Variants in PARP14 observed in about 807,000 individuals in gnomAD.
PARP14 encodes the protein protein mono-ADP-ribosyltransferase PARP14.
A neutral mutation model predicts 154.2 loss-of-function variants in PARP14; 59 were observed. The observed-to-expected ratio is 0.38, with a 90% CI of 0.31 to 0.48. The LOEUF is 0.48. Among genes scored for constraint, PARP14 ranks in the 20% least tolerant of loss-of-function variants. PARP14 has a pLI of 0.98. For missense variants in PARP14, 1,734 were observed against 2,131.6 expected (o/e 0.81, Z 3.67); for synonymous variants, 720 against 780.5 (o/e 0.92, Z 1.29).
chr3:122,685,065 C>G, intron 1 of PARP14, 120 bp from the exon 2 acceptor site: 1 of 1,052,306 alleles, frequency 9.5e-7, no homozygotes, highest in East Asian at 2.5e-5. Context: ...CATATAGCCT[C>G]TCTTGAGAAA....
rs763581194 is a variant in PARP14 at position 122,700,765 on chromosome 3, A to T, written c.2211A>T (p.Ser737=). The change falls in exon 6 of 17, where the codon TCA becomes TCT. Residue 737 remains serine, a synonymous_variant. Coordinates refer to ENST00000474629, the MANE Select transcript of PARP14 (RefSeq NM_017554.3). ...AVDIVKQVWD[S]VCVKSVHTDK... is the part of the protein sequence containing the mutation. ...ACATTGTCAAGCAAGTCTGGGATTC[A>T]GTCTGTGTTAAAAGTGTCCATACTG... 6.2e-7 allele frequency: 1 copy of T among 1,613,564 alleles called. No homozygotes were observed. The highest frequency in any genetic ancestry group is 8.5e-7 in the Non-Finnish European group (1 of 1,179,672).
chr3:122,692,232 A>T, intron 3 of PARP14, 69 bp from the exon 4 acceptor site: 1 of 1,387,406 alleles, frequency 7.2e-7, no homozygotes, highest in Non-Finnish European at 9.9e-7. Flanking sequence ...GCCTTGTGAT[A>T]ACTTACTTTG....
At position 122,706,135 on chromosome 3, in the gene PARP14, T is replaced by G. The variant is rs113535193; in HGVS notation, c.3540+1387T>G. 9.8e-5 allele frequency among the ~76,000 whole-genome samples: 15 copies of G among 152,344 alleles called. 1 individual carries two copies. Among genetic ancestry groups the G allele is most frequent in the African/African-American group, 3.4e-4 (14 of 41,576 alleles). ...ACAGACCTGAACCTTCAAATATCAC[T>G]CTTTTTCATGCAACCTCAGCATTCA... On this transcript the variant is annotated intron_variant, in intron 8 of 16. Coordinates refer to ENST00000474629, the MANE Select transcript of PARP14 (RefSeq NM_017554.3).
At chr3:122,720,416 T>A (rs754769545) in intron 15 of PARP14, 28 bp downstream of exon 15, 1 of 1,605,904 alleles carries the variant, frequency 6.2e-7, no homozygotes, top group East Asian at 2.2e-5. Flanking sequence ...ATGCAGTTTC[T>A]GGATGGTGGA....
chr3:122,724,460 A>ATTTTT (rs956215914), intron 15 of PARP14, among the ~76,000 whole-genome samples: 44 of 102,004 alleles, frequency 4.3e-4, no homozygotes, highest in African/African-American at 8.7e-4. Context: ...CACCACGCCT[A>ATTTTT]TTTTTTTTTT....
chr3:122,725,120 T>C (rs1446725210), intron 15 of PARP14, among the ~76,000 whole-genome samples: 3 of 152,210 alleles, frequency 2.0e-5, no homozygotes, highest in African/African-American at 7.2e-5. Flanking sequence ...TCGACAAAAC[T>C]GCCATCGTCA....
intron 5 of PARP14, among the ~76,000 whole-genome samples, chr3:122,696,654 T>A (rs1471061951): frequency 6.6e-6 from 1 of 152,158 alleles, no homozygotes; most frequent in East Asian, 1.9e-4. Context: ...AGTTGATATT[T>A]TCAGGGCTTT....
intron 6 of PARP14, among the ~76,000 whole-genome samples, chr3:122,702,499 C>T (rs921423861): frequency 3.9e-5 from 6 of 152,188 alleles, no homozygotes; most frequent in Admixed American, 1.3e-4. Context: ...GGATTAGAGG[C>T]GTGAGCCATC....
At chr3:122,723,022 G>A (rs746885104) in intron 15 of PARP14, among the ~76,000 whole-genome samples, 23 of 150,538 alleles carry the variant, frequency 1.5e-4, no homozygotes, top group Non-Finnish European at 2.9e-4. Context: ...TGCAACCTCC[G>A]CCTACCGGTT....
rs531926068 is a variant in PARP14, at chr3:122,707,641, C to T, written c.3541-549C>T. The stretch of plus-strand genomic sequence containing the variant: ...CAAACAAACAAAAAAACACAAAAAA[C>T]AAAAAACGTAGCTGGGTGTGGTGCC... On this transcript the variant is annotated intron_variant, in intron 8 of 16. Coordinates refer to ENST00000474629, the MANE Select transcript of PARP14 (RefSeq NM_017554.3). Among the ~76,000 whole-genome samples, 12 of 151,892 alleles carry T rather than the reference C, an allele frequency of 7.9e-5. No homozygotes were observed. The East Asian group carries it at 2.1e-3, about 27-fold the overall frequency.
intron 12 of PARP14, among the ~76,000 whole-genome samples, chr3:122,716,124 G>A (rs1932989126): frequency 6.6e-6 from 1 of 152,172 alleles, no homozygotes; most frequent in Non-Finnish European, 1.5e-5. Flanking sequence ...AATTAAGACT[G>A]TGATCAAGAC....
At chr3:122,699,310 TAAAA>T in intron 5 of PARP14, 76 bp from the exon 6 acceptor site, 1 of 818,558 alleles carries the variant, frequency 1.2e-6, no homozygotes, top group Non-Finnish European at 1.8e-6. Flanking sequence ...TTTTTTTCTC[TAAAA>T]TAGGAAAATT....
Position 122,718,882 on chromosome 3 carries a change from A to G in PARP14, c.4731A>G (p.Thr1577=). The G allele has an allele frequency of 1.9e-6, 3 of 1,613,920 alleles. No homozygotes were observed. Among genetic ancestry groups the G allele is most frequent in the Middle Eastern group, 1.6e-4 (1 of 6,062 alleles). ...VDVKINHRHY[T]VNLNTYTATD... is the part of the protein sequence containing the mutation. The stretch of plus-strand genomic sequence containing the variant: ...TCAAAATTAATCATCGGCACTACAC[A>G]GTGAACTTGAACACATACACTGCCA... Residue 1577 remains threonine, a synonymous_variant, in exon 14 of 17, where the codon ACA becomes ACG. Transcript: ENST00000474629.
chr3:122,700,016 G>A lies in PARP14; in HGVS notation c.1462G>A (p.Asp488Asn), dbSNP rs16833413. 3,621 of 1,613,868 alleles carry A rather than the reference G, an allele frequency of 2.2e-3. 53 individuals carry two copies. In the African/African-American group the frequency reaches 0.039, roughly 17 times the overall value. ...YFLLCHSSLL[D>N]HLLTECPEIE... Reference sequence around the variant, plus strand: ...TCTTTTGTGTCACAGCAGTCTACTGGACCATTTACTCACGGAGTGCCCAGA... The same window carrying A: ...TCTTTTGTGTCACAGCAGTCTACTGAACCATTTACTCACGGAGTGCCCAGA... Residue 488 changes from aspartate to asparagine, a missense_variant, in exon 6 of 17, where the codon GAC becomes AAC. By Grantham distance (23) the Asp-to-Asn change is conservative. This residue lies in a region of PARP14 where 1,646 missense variants were observed against 1,976.0 expected (regional missense o/e 0.83). Coordinates refer to ENST00000474629, the MANE Select transcript of PARP14 (RefSeq NM_017554.3).
chr3:122,720,202 T>C, intron 14 of PARP14, 53 bp from the exon 15 acceptor site: 1 of 1,564,050 alleles, frequency 6.4e-7, no homozygotes, highest in Non-Finnish European at 8.8e-7. Context: ...ATACTAAATG[T>C]TCCAGAGTGT....
chr3:122,702,940 A>G (rs1018440992), intron 6 of PARP14, among the ~76,000 whole-genome samples: 1 of 143,956 alleles, frequency 6.9e-6, no homozygotes, highest in African/African-American at 2.6e-5. Flanking sequence ...GCAGTGAACT[A>G]TGATCATGCC....
chr3:122,696,999 TG>T (rs765441295), intron 5 of PARP14, among the ~76,000 whole-genome samples: 5 of 152,210 alleles, frequency 3.3e-5, no homozygotes, highest in Non-Finnish European at 7.3e-5. Context: ...TCTCTCAGGC[TG>T]GAGTGCAGTG....
At chr3:122,690,784 T>G (rs1237061070) in intron 3 of PARP14, among the ~76,000 whole-genome samples, 1 of 152,220 alleles carries the variant, frequency 6.6e-6, no homozygotes, top group Non-Finnish European at 1.5e-5. Flanking sequence ...AGTGCTGGGA[T>G]TACAGGCATG....
At chr3:122,725,809 G>A (rs1218202205) in intron 15 of PARP14, among the ~76,000 whole-genome samples, 1 of 152,096 alleles carries the variant, frequency 6.6e-6, no homozygotes, top group Non-Finnish European at 1.5e-5. Flanking sequence ...GGGTTTAAAT[G>A]TACCATATTA....
Sources: gnomAD v4.1 joint callset for allele counts (sites outside exome capture counted in the v4.1 genomes callset) on GRCh38, gnomAD v4.1.1 for gene constraint, gnomAD v4.1.1 regional missense constraint, MANE v1.5 for transcripts, NCBI Gene and HGNC (gene_info 2026-07-23, HGNC 2026-07-21) for gene names.